Variants in NUDT7 observed in about 807,000 individuals in gnomAD.
NUDT7 encodes nudix hydrolase 7.
Under a neutral mutation model 13.1 loss-of-function variants are expected in NUDT7, and 19 were observed. The observed-to-expected ratio is 1.45, with a 90% confidence interval of 1.01 to 2.13. The LOEUF (loss-of-function observed/expected upper bound fraction) is 2.13, where lower values mean the gene tolerates loss of function less well. Ranked by LOEUF, NUDT7 falls within the 30% of genes most tolerant of loss-of-function variation. The pLI, the probability that NUDT7 is intolerant of heterozygous loss-of-function variation, is 0.00. For synonymous variants in NUDT7, 132 were observed against 109.7 expected (o/e 1.20, Z -1.27); for missense variants, 360 against 291.7 (o/e 1.23, Z -1.71).
At chr16:77,723,888 G>C (rs570010253) in intron 1 of NUDT7, among the ~76,000 whole-genome samples, 1 of 152,246 alleles carries the variant, frequency 6.6e-6, no homozygotes, top group African/African-American at 2.4e-5. Context: ...CACTGTACCA[G>C]GCCTCCTATA....
At chr16:77,722,826 C>A (rs951217167) in intron 1 of NUDT7, among the ~76,000 whole-genome samples, 2 of 152,184 alleles carry the variant, frequency 1.3e-5, no homozygotes, top group African/African-American at 4.8e-5. Flanking sequence ...CCGGCTTAAG[C>A]CAGTATGGTT....
At chr16:77,726,765 C>G (rs2014149680) in intron 2 of NUDT7, among the ~76,000 whole-genome samples, 1 of 151,944 alleles carries the variant, frequency 6.6e-6, no homozygotes, top group Non-Finnish European at 1.5e-5. Flanking sequence ...CCACTGCGCT[C>G]CAGCCTGAGG....
intron 2 of NUDT7, among the ~76,000 whole-genome samples, chr16:77,732,074 C>T (rs1050602582): frequency 6.6e-6 from 1 of 152,110 alleles, no homozygotes; most frequent in Non-Finnish European, 1.5e-5. Context: ...TACCTGTAAT[C>T]CCAGCACTTT....
chr16:77,723,437 T>A (rs2014028046), intron 1 of NUDT7, among the ~76,000 whole-genome samples: 1 of 152,134 alleles, frequency 6.6e-6, no homozygotes, highest in African/African-American at 2.4e-5. Context: ...AACAACTGCT[T>A]ATCTAATGAT....
At chr16:77,726,579 G>A (rs1362801957) in intron 2 of NUDT7, among the ~76,000 whole-genome samples, 2 of 152,088 alleles carry the variant, frequency 1.3e-5, no homozygotes, top group Non-Finnish European at 2.9e-5. Context: ...GGAGGATCAC[G>A]AGGTCAGCAG....
chr16:77,731,631 C>G (rs1310057832), intron 2 of NUDT7, among the ~76,000 whole-genome samples: 3 of 152,156 alleles, frequency 2.0e-5, no homozygotes, highest in Admixed American at 2.0e-4. Flanking sequence ...TGTTCTTCTT[C>G]TACTTATTTT....
chr16:77,734,246 A>G (rs1259574634), intron 2 of NUDT7, among the ~76,000 whole-genome samples: 3 of 152,210 alleles, frequency 2.0e-5, no homozygotes, highest in Non-Finnish European at 4.4e-5. Context: ...TTTATATTCC[A>G]GCTCACTGAG....
intron 3 of NUDT7, among the ~76,000 whole-genome samples, chr16:77,738,381 G>C (rs574331586): frequency 6.6e-6 from 1 of 152,298 alleles, no homozygotes; most frequent in East Asian, 1.9e-4. Flanking sequence ...TGGCGTGATT[G>C]AGAGATTAAA....
At chr16:77,727,097 A>G (rs2014162183) in intron 2 of NUDT7, among the ~76,000 whole-genome samples, 1 of 152,068 alleles carries the variant, frequency 6.6e-6, no homozygotes, top group Non-Finnish European at 1.5e-5. Flanking sequence ...TGCCCCTGTG[A>G]TCCAGTCACC....
chr16:77,740,624 A>C (rs1371720737), intron 3 of NUDT7, among the ~76,000 whole-genome samples: 1 of 151,998 alleles, frequency 6.6e-6, no homozygotes, highest in Non-Finnish European at 1.5e-5. Context: ...GCTCACTGCA[A>C]TCTATCTCCG....
chr16:77,736,043 G>A (rs1387895480), intron 3 of NUDT7, 57 bp downstream of exon 3: 2 of 1,509,362 alleles, frequency 1.3e-6, no homozygotes, highest in South Asian at 1.1e-5. Flanking sequence ...TGGATCTACT[G>A]TTCTCAGGAT....
Position 77,742,043 on chromosome 16 carries a change from G to A in NUDT7, c.*93G>A, listed in dbSNP as rs2014684990. On this transcript the variant is annotated 3_prime_UTR_variant, in exon 4 of 4. Coordinates refer to ENST00000268533, the MANE Select transcript of NUDT7 (RefSeq NM_001105663.3). The stretch of plus-strand genomic sequence containing the variant: ...CAATGCCAGCTGTTGGAATTTGACA[G>A]GTGTGAATATTTTTTCTGCAGTATG... 1 of 1,485,562 alleles carries A rather than the reference G, an allele frequency of 6.7e-7. No individual in the cohort carries two copies. The highest frequency in any genetic ancestry group is 8.9e-7 in the Non-Finnish European group (1 of 1,126,998). 92.0% of individuals were successfully genotyped at this position (1,485,562 alleles called of 1,614,324 possible).
In NUDT7 at chr16:77,725,657, A is replaced by G. The variant is rs763963018; in HGVS notation, c.189+73A>G. The G allele has an allele frequency of 2.1e-6, 3 of 1,436,370 alleles. No individual in the cohort carries two copies. The Admixed American group carries it at 5.9e-5, about 28-fold the overall frequency. 89.0% of individuals were successfully genotyped at this position (1,436,370 alleles called of 1,614,324 possible). A position where few individuals can be genotyped will look rare whatever the true frequency, so the allele number is the denominator to read the frequency against. ...GACCTCACGAGATTTTGTCACTTGCACACACTTTGATGCCAAAATTCTCAA... is the reference window on the plus strand; with the variant it reads ...GACCTCACGAGATTTTGTCACTTGCGCACACTTTGATGCCAAAATTCTCAA... On this transcript the variant is annotated intron_variant, in intron 2 of 3. Transcript: ENST00000268533.
At chr16:77,736,516 A>G (rs1306337963) in intron 3 of NUDT7, 1 of 163,822 alleles carries the variant, frequency 6.1e-6, no homozygotes, top group African/African-American at 2.4e-5. Flanking sequence ...ATTACTATTC[A>G]TAACTGCATT....
intron 3 of NUDT7, among the ~76,000 whole-genome samples, chr16:77,740,643 G>T (rs1022145044): frequency 1.3e-5 from 2 of 152,106 alleles, no homozygotes; most frequent in Admixed American, 6.6e-5. Context: ...CGCCTCCCAA[G>T]TTCAAGCAAT....
At position 77,741,908 on chromosome 16, in the gene NUDT7, G is replaced by GTTA. The variant is rs2014679970; in HGVS notation, c.678_680dup (p.Leu226dup). 1.7e-5 allele frequency: 28 copies of GTTA among 1,611,128 alleles called. No individual in the cohort carries two copies. Among genetic ancestry groups the GTTA allele is most frequent in the Non-Finnish European group, 2.2e-5 (26 of 1,178,940 alleles). On this transcript the variant is annotated inframe_insertion, in exon 4 of 4. Coordinates refer to ENST00000268533, the MANE Select transcript of NUDT7 (RefSeq NM_001105663.3). Reference sequence around the variant, plus strand: ...ATGATGTATTAGCATCCTCTGAAGAGTTATTCCTGAAGGTTCATAAAAAAG... The same window carrying GTTA: ...ATGATGTATTAGCATCCTCTGAAGAGTTATTATTCCTGAAGGTTCATAAAAAAG...
At chr16:77,729,591 C>T (rs951068368) in intron 2 of NUDT7, among the ~76,000 whole-genome samples, 1 of 152,110 alleles carries the variant, frequency 6.6e-6, no homozygotes, top group Admixed American at 6.5e-5. Flanking sequence ...TTTGAGAGGC[C>T]AAGGTGTGGG....
intron 3 of NUDT7, among the ~76,000 whole-genome samples, chr16:77,741,006 G>A (rs2014641835): frequency 6.6e-6 from 1 of 152,104 alleles, no homozygotes. Context: ...CCATAAATGG[G>A]AATATGTCAT....
chr16:77,739,535 G>A lies in NUDT7; in HGVS notation c.349-2047G>A, dbSNP rs1051092881. Among the ~76,000 whole-genome samples the A allele has an allele frequency of 1.8e-4, 28 of 152,114 alleles. 1 individual carries two copies. Among genetic ancestry groups the A allele is most frequent in the Non-Finnish European group, 3.7e-4 (25 of 68,018 alleles). ...AGGATGACCAGAGGTTACTTTCATT[G>A]CCATCTTGGTTTTGGTGCGTTTTGA... On this transcript the variant is annotated intron_variant, in intron 3 of 3. Coordinates refer to ENST00000268533, the MANE Select transcript of NUDT7 (RefSeq NM_001105663.3).
Sources: gnomAD v4.1 joint callset for allele counts (sites outside exome capture counted in the v4.1 genomes callset) on GRCh38, gnomAD v4.1.1 for gene constraint, MANE v1.5 for transcripts, NCBI Gene and HGNC (gene_info 2026-07-23, HGNC 2026-07-21) for gene names.